The following RPGRIP1L variants were observed in gnomAD, a reference collection of about 807,000 sequenced individuals.
RPGRIP1L encodes the protein RPGRIP1 like.
A neutral mutation model predicts 160.4 loss-of-function variants in RPGRIP1L; 131 were observed. That is an observed-to-expected ratio of 0.82 (90% CI 0.71 to 0.94). The LOEUF is 0.94. Among genes scored for constraint, RPGRIP1L ranks in the 40% least tolerant of loss-of-function variants. RPGRIP1L has a pLI of 0.00. For synonymous variants in RPGRIP1L, 510 were observed against 515.8 expected (o/e 0.99, Z 0.15); for missense variants, 1,522 against 1,535.8 (o/e 0.99, Z 0.15).
At chr16:53,697,319 C>T (rs1427396746) in intron 2 of RPGRIP1L, among the ~76,000 whole-genome samples, 4 of 151,580 alleles carry the variant, frequency 2.6e-5, no homozygotes, top group African/African-American at 7.3e-5. Flanking sequence ...CAATCTCCCT[C>T]TCCCTCTCCC....
chr16:53,699,353 C>T (rs1971176952), intron 2 of RPGRIP1L, among the ~76,000 whole-genome samples: 1 of 146,602 alleles, frequency 6.8e-6, no homozygotes, highest in Non-Finnish European at 1.5e-5. Context: ...CCTGCCAAAT[C>T]CCCCTCTGTG....
Position 53,601,327 on chromosome 16 carries a change from T to A in RPGRIP1L, c.*749A>T, listed in dbSNP as rs368946048. ...AAGTTTTCAACGTGTAAATTTCACA[T>A]CTATCTATATAACTATCTCCTTTTT... On this transcript the variant is annotated 3_prime_UTR_variant, in exon 27 of 27. Coordinates refer to ENST00000647211, the MANE Select transcript of RPGRIP1L (RefSeq NM_015272.5). 1.3e-5 allele frequency: 2 copies of A among 152,354 alleles called. No homozygotes were observed. The highest frequency in any genetic ancestry group is 2.1e-4 in the South Asian group (1 of 4,838). 9.4% of individuals were successfully genotyped at this position (152,354 alleles called of 1,614,324 possible).
intron 18 of RPGRIP1L, 80 bp from the exon 19 acceptor site, chr16:53,641,196 T>C: frequency 2.0e-6 from 3 of 1,496,004 alleles, no homozygotes; most frequent in Non-Finnish European, 1.9e-6. Context: ...TTATTATTAT[T>C]TTTTTTTGGT....
intron 15 of RPGRIP1L, 109 bp downstream of exon 15, chr16:53,652,426 C>T (rs1966871446): frequency 2.3e-6 from 2 of 860,998 alleles, no homozygotes; most frequent in Admixed American, 2.1e-5. Context: ...GTTGTCCTTG[C>T]TCTAAAGGCA....
chr16:53,682,055 T>C (rs2151295773), intron 6 of RPGRIP1L, among the ~76,000 whole-genome samples: 1 of 152,350 alleles, frequency 6.6e-6, no homozygotes, highest in Non-Finnish European at 1.5e-5. Flanking sequence ...TATAAAATTA[T>C]AAGCTATGTG....
At chr16:53,664,752 TC>T (rs1968090194) in intron 10 of RPGRIP1L, 117 bp downstream of exon 10, 22 of 1,118,030 alleles carry the variant, frequency 2.0e-5, no homozygotes, top group Non-Finnish European at 2.8e-5. Flanking sequence ...ACTGTGTCTG[TC>T]CCTCATACAT....
chr16:53,687,462 A>G (rs1970099965), intron 5 of RPGRIP1L, among the ~76,000 whole-genome samples: 1 of 152,070 alleles, frequency 6.6e-6, no homozygotes, highest in Non-Finnish European at 1.5e-5. Flanking sequence ...ATAACTCCAA[A>G]CTTTTATGCC....
chr16:53,681,963 C>T (rs1337727252), intron 6 of RPGRIP1L, among the ~76,000 whole-genome samples: 1 of 152,144 alleles, frequency 6.6e-6, no homozygotes, highest in African/African-American at 2.4e-5. Flanking sequence ...TTTTTCTCTA[C>T]AGTAAATTAT....
chr16:53,681,887 T>C (rs1310927235), intron 6 of RPGRIP1L, among the ~76,000 whole-genome samples: 1 of 152,218 alleles, frequency 6.6e-6, no homozygotes, highest in Non-Finnish European at 1.5e-5. Flanking sequence ...ATCAGACTTC[T>C]AGAATTTCAA....
chr16:53,649,769 T>A (rs1966820855), intron 15 of RPGRIP1L, among the ~76,000 whole-genome samples: 1 of 152,158 alleles, frequency 6.6e-6, no homozygotes, highest in South Asian at 2.1e-4. Flanking sequence ...TGTGCCTCCT[T>A]CATGGACATC....
At chr16:53,661,949 T>C (rs1436866785) in intron 10 of RPGRIP1L, among the ~76,000 whole-genome samples, 2 of 152,312 alleles carry the variant, frequency 1.3e-5, no homozygotes, top group East Asian at 3.9e-4. Flanking sequence ...AACTGTTTAT[T>C]TGGGACATAA....
intron 6 of RPGRIP1L, among the ~76,000 whole-genome samples, chr16:53,685,527 A>T (rs937216286): frequency 1.3e-5 from 2 of 152,248 alleles, no homozygotes; most frequent in African/African-American, 4.8e-5. Flanking sequence ...TGCAGCCATA[A>T]AAAGGAATGA....
At chr16:53,641,693 C>T (rs924645075) in intron 17 of RPGRIP1L, among the ~76,000 whole-genome samples, 1 of 152,142 alleles carries the variant, frequency 6.6e-6, no homozygotes, top group Admixed American at 6.5e-5. Flanking sequence ...ATGACAGGCT[C>T]ATCTCTCAAG....
intron 12 of RPGRIP1L, among the ~76,000 whole-genome samples, chr16:53,657,986 TA>T (rs1245715804): frequency 6.6e-6 from 1 of 152,172 alleles, no homozygotes; most frequent in Non-Finnish European, 1.5e-5. Context: ...TTGTGTCTTA[TA>T]AATAACAGAA....
intron 24 of RPGRIP1L, among the ~76,000 whole-genome samples, chr16:53,615,969 T>C (rs977967470): frequency 6.6e-6 from 1 of 152,196 alleles, no homozygotes; most frequent in African/African-American, 2.4e-5. Context: ...AATTCAATTA[T>C]GAATAATCTA....
rs913091988 is a variant in RPGRIP1L at position 53,620,143 on chromosome 16, C to T, written c.3433-935G>A. 1.8e-4 allele frequency among the ~76,000 whole-genome samples: 28 copies of T among 152,034 alleles called. 1 individual carries two copies. Among genetic ancestry groups the T allele is most frequent in the African/African-American group, 6.0e-4 (25 of 41,392 alleles). ...CTGAAAATAAGACCTGTTTATATGA[C>T]CAGCTTTTAGGAATTCATTGTTAAA... is the stretch of plus-strand genomic sequence containing the variant. On this transcript the variant is annotated intron_variant, in intron 23 of 26. Transcript: ENST00000647211.
Position 53,679,331 on chromosome 16 carries a change from G to C in RPGRIP1L, c.777-4209C>G, listed in dbSNP as rs150371908. On this transcript the variant is annotated intron_variant, in intron 6 of 26. Coordinates refer to ENST00000647211, the MANE Select transcript of RPGRIP1L (RefSeq NM_015272.5). ...CAAATCCTGGCTCATCTTCTTATAG[G>C]GACCATTTTTACGGTCAAGTTTAAT... is the stretch of plus-strand genomic sequence containing the variant. 5.9e-5 allele frequency among the ~76,000 whole-genome samples: 9 copies of C among 152,158 alleles called. No homozygotes were observed. The East Asian group carries it at 1.2e-3, about 20-fold the overall frequency.
chr16:53,644,704 C>T (rs1490686929), intron 17 of RPGRIP1L, among the ~76,000 whole-genome samples: 1 of 152,024 alleles, frequency 6.6e-6, no homozygotes, highest in Non-Finnish European at 1.5e-5. Context: ...AAACTGTTGA[C>T]CAAAAATATT....
Position 53,696,261 on chromosome 16 carries a change from C to G in RPGRIP1L, c.120G>C (p.Gln40His), listed in dbSNP as rs1660515981. The change falls in exon 3 of 27, where the codon CAG becomes CAC. Residue 40 changes from glutamine (Q) to histidine (H), a missense_variant. Coordinates refer to ENST00000647211, the MANE Select transcript of RPGRIP1L (RefSeq NM_015272.5). Reference protein sequence around the residue: ...TSTTRTMKSRQAVSRVSREEL... With the variant: ...TSTTRTMKSRHAVSRVSREEL... ...CCTCACGACTGACACGTGACACTGC[C>G]TGGCGAGACTTCATTGTCCGTGTTG... The G allele has an allele frequency of 6.2e-7, 1 of 1,613,924 alleles. No individual in the cohort carries two copies. Among genetic ancestry groups the G allele is most frequent in the South Asian group, 1.1e-5 (1 of 91,076 alleles).
Sources: gnomAD v4.1 joint callset for allele counts (sites outside exome capture counted in the v4.1 genomes callset) on GRCh38, gnomAD v4.1.1 for gene constraint, MANE v1.5 for transcripts, NCBI Gene and HGNC (gene_info 2026-07-23, HGNC 2026-07-21) for gene names.